The following AMPH variants were observed in gnomAD, a reference collection of about 807,000 sequenced individuals.
The protein encoded by AMPH is amphiphysin.
AMPH carries 49 observed loss-of-function variants against 99.1 expected under a neutral mutation model. The ratio of observed to expected loss-of-function variants is 0.49; its 90% CI spans 0.39 to 0.63. The LOEUF (loss-of-function observed/expected upper bound fraction) is 0.63, where lower values mean the gene tolerates loss of function less well. Among genes scored for constraint, AMPH ranks in the 20% least tolerant of loss-of-function variants. The pLI is 0.00. For missense variants in AMPH, 759 were observed against 863.4 expected (o/e 0.88, Z 1.52); for synonymous variants, 314 against 317.3 (o/e 0.99, Z 0.11).
At chr7:38,571,276 T>TA (rs1562835194) in intron 1 of AMPH, among the ~76,000 whole-genome samples, 22 of 39,514 alleles carry the variant, frequency 5.6e-4, no homozygotes, top group African/African-American at 1.8e-3. Flanking sequence ...TTTATATATA[T>TA]ATTTTTATAT....
intron 16 of AMPH, among the ~76,000 whole-genome samples, chr7:38,421,440 A>T (rs1432360273): frequency 6.6e-6 from 1 of 152,234 alleles, no homozygotes; most frequent in African/African-American, 2.4e-5. Flanking sequence ...TATTTGAAAC[A>T]TTTAAATATT....
At chr7:38,465,859 A>C (rs1207629188) in intron 8 of AMPH, among the ~76,000 whole-genome samples, 1 of 152,198 alleles carries the variant, frequency 6.6e-6, no homozygotes, top group Non-Finnish European at 1.5e-5. Flanking sequence ...AGCAATCAAC[A>C]ACAGAGTTGA....
chr7:38,486,159 G>T (rs1788482872), intron 5 of AMPH, among the ~76,000 whole-genome samples: 1 of 141,942 alleles, frequency 7.0e-6, no homozygotes, highest in East Asian at 2.1e-4. Context: ...GTAACTATGA[G>T]TTTTTTTTTT....
intron 11 of AMPH, among the ~76,000 whole-genome samples, chr7:38,455,232 G>A (rs1251372245): frequency 6.6e-6 from 1 of 151,968 alleles, no homozygotes. Flanking sequence ...CACCATGCCC[G>A]GCTAATTTTT....
At chr7:38,551,687 A>T (rs866289860) in intron 1 of AMPH, among the ~76,000 whole-genome samples, 4 of 152,194 alleles carry the variant, frequency 2.6e-5, no homozygotes, top group Non-Finnish European at 2.9e-5. Flanking sequence ...GGACCCAGGG[A>T]TGTGAGTGGA....
chr7:38,432,081 A>G (rs1392785352), intron 13 of AMPH, 108 bp downstream of exon 13: 2 of 989,750 alleles, frequency 2.0e-6, no homozygotes. Flanking sequence ...CTATATCATC[A>G]TTAAATGTAT....
chr7:38,592,607 T>C (rs940097304), intron 1 of AMPH, among the ~76,000 whole-genome samples: 3 of 151,988 alleles, frequency 2.0e-5, no homozygotes, highest in Admixed American at 6.6e-5. Context: ...GGTGGGCACC[T>C]GTAGTCCCAG....
At chr7:38,537,366 T>A (rs970895575) in intron 1 of AMPH, among the ~76,000 whole-genome samples, 1 of 152,142 alleles carries the variant, frequency 6.6e-6, no homozygotes, top group Non-Finnish European at 1.5e-5. Flanking sequence ...GGCCAGCATA[T>A]AGTTAATGCT....
rs929629 is a variant in AMPH at position 38,412,951 on chromosome 7, T to A, written c.1398+4874A>T. ...TGTTTGGGAACCACATGGAAATTTGTGTTGATGGAGATCTAACAGGGACTG... is the reference window on the plus strand; with the variant it reads ...TGTTTGGGAACCACATGGAAATTTGAGTTGATGGAGATCTAACAGGGACTG... On this transcript the variant is annotated intron_variant, in intron 17 of 20. Coordinates refer to ENST00000356264, the MANE Select transcript of AMPH (RefSeq NM_001635.4). Among the ~76,000 whole-genome samples the A allele has an allele frequency of 2.0e-5, 3 of 152,224 alleles. No homozygotes were observed. The South Asian group carries it at 6.2e-4, about 32-fold the overall frequency.
intron 7 of AMPH, 99 bp from the exon 8 acceptor site, chr7:38,466,347 T>A: frequency 1.1e-6 from 1 of 903,962 alleles, no homozygotes; most frequent in South Asian, 1.6e-5. Context: ...CCCAGGTTTC[T>A]TTTACACCAT....
At chr7:38,526,433 C>CTTTTT (rs33974810) in intron 2 of AMPH, among the ~76,000 whole-genome samples, 6,668 of 72,560 alleles carry the variant, frequency 0.092, 1,032 homozygotes, top group East Asian at 0.19. Context: ...CCATGCCCGG[C>CTTTTT]TTTTTTTTTT....
intron 15 of AMPH, 133 bp from the exon 16 acceptor site, chr7:38,422,610 C>A: frequency 1.6e-6 from 1 of 628,506 alleles, no homozygotes; most frequent in Non-Finnish European, 2.6e-6. Context: ...ATCCATCTAT[C>A]TATCGACACT....
At chr7:38,402,013 C>T (rs1784854756) in intron 17 of AMPH, among the ~76,000 whole-genome samples, 1 of 152,150 alleles carries the variant, frequency 6.6e-6, no homozygotes, top group South Asian at 2.1e-4. Context: ...GTTGGGAGAA[C>T]TCCTCCAGCT....
intron 1 of AMPH, among the ~76,000 whole-genome samples, chr7:38,538,136 A>G (rs766667657): frequency 2.0e-5 from 3 of 152,256 alleles, no homozygotes; most frequent in African/African-American, 4.8e-5. Context: ...TCACCATTCC[A>G]GAAGTTACAT....
chr7:38,474,555 T>C (rs778513555), intron 7 of AMPH, among the ~76,000 whole-genome samples: 2 of 152,168 alleles, frequency 1.3e-5, no homozygotes, highest in African/African-American at 4.8e-5. Context: ...AGAATTTGTA[T>C]ATAGGAAGGC....
At chr7:38,611,873 T>C (rs1032805539) in intron 1 of AMPH, among the ~76,000 whole-genome samples, 42 of 152,246 alleles carry the variant, frequency 2.8e-4, no homozygotes, top group Non-Finnish European at 1.5e-4. Flanking sequence ...AGCTAATTAT[T>C]AAAACCTTGA....
intron 17 of AMPH, among the ~76,000 whole-genome samples, chr7:38,414,809 C>A (rs777310670): frequency 1.3e-5 from 2 of 152,072 alleles, no homozygotes; most frequent in Non-Finnish European, 2.9e-5. Context: ...GGATTACAGG[C>A]ACCTGCCATC....
chr7:38,515,945 G>A (rs1320749060), intron 2 of AMPH, among the ~76,000 whole-genome samples: 1 of 152,212 alleles, frequency 6.6e-6, no homozygotes, highest in African/African-American at 2.4e-5. Flanking sequence ...ATGATTTAAG[G>A]TATCTGGTGG....
chr7:38,585,890 T>C (rs17413779), intron 1 of AMPH, among the ~76,000 whole-genome samples: 42,869 of 152,180 alleles, frequency 0.28, 6,442 homozygotes, highest in Non-Finnish European at 0.34. Flanking sequence ...GAAGATTTCA[T>C]TTACATAATC....
Sources: gnomAD v4.1 joint callset for allele counts (sites outside exome capture counted in the v4.1 genomes callset) on GRCh38, gnomAD v4.1.1 for gene constraint, MANE v1.5 for transcripts, NCBI Gene and HGNC (gene_info 2026-07-23, HGNC 2026-07-21) for gene names.